Variants in PITPNM2 observed in about 807,000 individuals in gnomAD.
The protein encoded by PITPNM2 is membrane-associated phosphatidylinositol transfer protein 2.
In PITPNM2, 35 loss-of-function variants were observed where a neutral mutation model predicts 132.2. The ratio of observed to expected loss-of-function variants is 0.26; its 90% CI spans 0.20 to 0.35. The LOEUF is 0.35. Among genes scored for constraint, PITPNM2 ranks in the 10% least tolerant of loss-of-function variants. PITPNM2 has a pLI of 1.00. For synonymous variants in PITPNM2, 738 were observed against 799.2 expected (o/e 0.92, Z 1.29); for missense variants, 1,332 against 1,912.0 (o/e 0.70, Z 5.66).
chr12:123,137,447 C>T (rs1193089045), intron 1 of PITPNM2, among the ~76,000 whole-genome samples: 2 of 152,144 alleles, frequency 1.3e-5, no homozygotes, highest in African/African-American at 2.4e-5. Flanking sequence ...TGATGAATAC[C>T]TGCTCTGTGC....
chr12:123,024,722 G>T (rs558820730), intron 3 of PITPNM2, among the ~76,000 whole-genome samples: 2 of 152,284 alleles, frequency 1.3e-5, no homozygotes, highest in Admixed American at 6.5e-5. Context: ...CAGAATAGTG[G>T]AATCTATAGA....
In PITPNM2 at chr12:123,005,201, G is replaced by A. The variant is rs777317979; in HGVS notation, c.952+39C>T. The A allele has an allele frequency of 6.3e-7, 1 of 1,585,582 alleles. No homozygotes were observed. Among genetic ancestry groups the A allele is most frequent in the Non-Finnish European group, 8.6e-7 (1 of 1,163,564 alleles). On this transcript the variant is annotated intron_variant, in intron 7 of 25. Transcript: ENST00000320201. The surrounding 1 kb of genome is among the most constrained non-coding windows in gnomAD (Gnocchi z 6.2). ...GTGTGTGGGGCTGCCTTGAGGGGAG[G>A]GACCTTGAGTGTGGGTGGCAGGTGG...
chr12:123,143,919 C>T (rs1041786555), intron 1 of PITPNM2, among the ~76,000 whole-genome samples: 10 of 152,192 alleles, frequency 6.6e-5, no homozygotes, highest in Middle Eastern at 3.2e-3. Context: ...TTGTGAGGTG[C>T]CCTGAGCTAG....
intron 2 of PITPNM2, among the ~76,000 whole-genome samples, chr12:123,094,763 G>C (rs116247313): frequency 6.6e-6 from 1 of 152,196 alleles, no homozygotes; most frequent in African/African-American, 2.4e-5. Flanking sequence ...GGGGCCGAGG[G>C]CAGGGAAGGC....
In PITPNM2 at chr12:123,005,934, TA is replaced by T. The variant is rs936573425; in HGVS notation, c.644-387del. 451 of 136,856 alleles carry T rather than the reference TA, an allele frequency of 3.3e-3. No homozygotes were observed. Among genetic ancestry groups the T allele is most frequent in the Non-Finnish European group, 4.3e-3 (272 of 63,778 alleles). 8.5% of individuals were successfully genotyped at this position (136,856 alleles called of 1,614,324 possible). On this transcript the variant is annotated intron_variant, in intron 6 of 25. Transcript: ENST00000320201. The surrounding 1 kb of genome is among the most constrained non-coding windows in gnomAD (Gnocchi z 6.2). ...GCAACGAAACAAGACCCTGTCTCTA[TA>T]AAAAAAAAAAAAATTAAAAAAAAAA...
In PITPNM2 at chr12:123,000,333, G is replaced by A. The variant is rs1447571385; in HGVS notation, c.1224+445C>T. On this transcript the variant is annotated intron_variant, in intron 10 of 25. Transcript: ENST00000320201. The surrounding 1 kb of genome is among the most constrained non-coding windows in gnomAD (Gnocchi z 5.4). Reference sequence around the variant, plus strand: ...CCAAGACAGTTTTATTGGACACACTGAGCTCCGCCTGCCTCCCGCGGGGCC... The same window carrying A: ...CCAAGACAGTTTTATTGGACACACTAAGCTCCGCCTGCCTCCCGCGGGGCC... 1 of 693,790 alleles carries A rather than the reference G, an allele frequency of 1.4e-6. No individual in the cohort carries two copies. The highest frequency in any genetic ancestry group is 2.1e-5 in the Admixed American group (1 of 48,644). The allele number at this position is 693,790 out of a possible 1,614,324, so 43.0% of individuals were successfully genotyped here.
chr12:123,138,425 G>A (rs920019777), intron 1 of PITPNM2, among the ~76,000 whole-genome samples: 46 of 152,298 alleles, frequency 3.0e-4, no homozygotes, highest in African/African-American at 1.1e-3. Context: ...AAGCAACAGA[G>A]AGAGACCCTG....
At chr12:123,007,335 C>T (rs2038979594) in intron 6 of PITPNM2, 1 of 456,394 alleles carries the variant, frequency 2.2e-6, no homozygotes, top group Non-Finnish European at 4.4e-6. Flanking sequence ...GGGCCTTTGG[C>T]TAATTTACAT....
At chr12:123,118,894 A>G (rs1421447553) in intron 1 of PITPNM2, among the ~76,000 whole-genome samples, 1 of 152,234 alleles carries the variant, frequency 6.6e-6, no homozygotes, top group Non-Finnish European at 1.5e-5. Flanking sequence ...AGTATTGTCG[A>G]ACACATGGCC....
At chr12:123,148,279 G>A (rs998833358) in intron 1 of PITPNM2, among the ~76,000 whole-genome samples, 4 of 152,214 alleles carry the variant, frequency 2.6e-5, no homozygotes, top group South Asian at 2.1e-4. Context: ...TCATCTAAGC[G>A]AAGTTGAGAA....
rs991595138 is a variant in PITPNM2, at chr12:123,082,228, T to A, written c.-96+28157A>T. Reference sequence around the variant, plus strand: ...GCCTTGGGGCATCTGTACTTGCCACTCTCCCTCCCCTCTGCTCAAGGGCCC... The same window carrying A: ...GCCTTGGGGCATCTGTACTTGCCACACTCCCTCCCCTCTGCTCAAGGGCCC... On this transcript the variant is annotated intron_variant, in intron 2 of 25. Coordinates refer to ENST00000320201, the MANE Select transcript of PITPNM2 (RefSeq NM_020845.3). This position sits in a 1 kb window ranked among gnomAD's most constrained non-coding sequence, Gnocchi z 5.4. Among the ~76,000 whole-genome samples, 2 of 152,166 alleles carry A rather than the reference T, an allele frequency of 1.3e-5. No homozygotes were observed. The highest frequency in any genetic ancestry group is 4.8e-5 in the African/African-American group (2 of 41,430).
rs555972734 is a variant in PITPNM2, at chr12:122,988,446, C to T, written c.2881-96G>A. ...GCCCAGTACCCGGGAGCAAGAGGAG[C>T]CTGTGGGTTGTAGGGGGTGTTCTTC... On this transcript the variant is annotated intron_variant, in intron 19 of 25. Transcript: ENST00000320201. The T allele has an allele frequency of 2.7e-5, 29 of 1,073,920 alleles. 1 individual carries two copies. In the East Asian group the frequency reaches 3.8e-4, roughly 14 times the overall value. 66.5% of individuals were successfully genotyped at this position (1,073,920 alleles called of 1,614,324 possible). A position where few individuals can be genotyped will look rare whatever the true frequency, so the allele number is the denominator to read the frequency against.
intron 2 of PITPNM2, among the ~76,000 whole-genome samples, chr12:123,043,059 T>A (rs1178156316): frequency 6.6e-6 from 1 of 151,740 alleles, no homozygotes; most frequent in African/African-American, 2.4e-5. Flanking sequence ...TGCCCCAGAG[T>A]AGTTCCACCT....
At chr12:123,079,430 C>G (rs1278586259) in intron 2 of PITPNM2, among the ~76,000 whole-genome samples, 1 of 131,592 alleles carries the variant, frequency 7.6e-6, no homozygotes, top group Non-Finnish European at 1.6e-5. Flanking sequence ...CTCACTGCAA[C>G]CTCCACCTCC....
At chr12:123,098,873 C>T (rs1034019636) in intron 2 of PITPNM2, among the ~76,000 whole-genome samples, 2 of 152,182 alleles carry the variant, frequency 1.3e-5, no homozygotes, top group Non-Finnish European at 2.9e-5. Context: ...TGAAACTTCT[C>T]AGCACTCCCC....
intron 2 of PITPNM2, among the ~76,000 whole-genome samples, chr12:123,085,346 C>A (rs2042082216): frequency 6.6e-6 from 1 of 152,132 alleles, no homozygotes; most frequent in African/African-American, 2.4e-5. Flanking sequence ...CCCTTTGCTT[C>A]AAAAAGCCCA....
At chr12:123,059,894 G>C (rs1263259805) in intron 2 of PITPNM2, among the ~76,000 whole-genome samples, 1 of 152,154 alleles carries the variant, frequency 6.6e-6, no homozygotes, top group Non-Finnish European at 1.5e-5. Flanking sequence ...CTAGATAAAG[G>C]TGGTGGCTGC....
Position 122,989,880 on chromosome 12 carries a change from T to TGGGGGGGGGGGGGGG in PITPNM2, c.2637_2638insCCCCCCCCCCCCCCC (p.Pro879_Ser880insProProProProPro). The TGGGGGGGGGGGGGGG allele has an allele frequency of 5.6e-5, 9 of 159,460 alleles. No homozygotes were observed. Among genetic ancestry groups the TGGGGGGGGGGGGGGG allele is most frequent in the Non-Finnish European group, 6.2e-5 (6 of 96,988 alleles). 9.9% of individuals were successfully genotyped at this position (159,460 alleles called of 1,614,324 possible). ...GGGTGGGGGCCAGGGGTGGTGGGGC[T>TGGGGGGGGGGGGGGG]GGGGGCGGGCAGGGCGAGCAGGGAC... On this transcript the variant is annotated inframe_insertion, in exon 18 of 26. Coordinates refer to ENST00000320201, the MANE Select transcript of PITPNM2 (RefSeq NM_020845.3).
chr12:123,111,226 C>T lies in PITPNM2; in HGVS notation c.-199-738G>A, dbSNP rs2042827720. On this transcript the variant is annotated intron_variant, in intron 1 of 25. Coordinates refer to ENST00000320201, the MANE Select transcript of PITPNM2 (RefSeq NM_020845.3). This position sits in a 1 kb window ranked among gnomAD's most constrained non-coding sequence, Gnocchi z 4.1. Reference sequence around the variant, plus strand: ...CCCACCTCGCAGCTCAACACACATTCTTGTTTGCCTGACACACATACAAGC... The same window carrying T: ...CCCACCTCGCAGCTCAACACACATTTTTGTTTGCCTGACACACATACAAGC... 6.6e-6 allele frequency among the ~76,000 whole-genome samples: 1 copy of T among 152,214 alleles called. No individual in the cohort carries two copies. The highest frequency in any genetic ancestry group is 2.4e-5 in the African/African-American group (1 of 41,448).
Sources: allele counts gnomAD v4.1 joint callset (sites outside exome capture counted in the v4.1 genomes callset), GRCh38; gene constraint gnomAD v4.1.1; non-coding constraint Gnocchi (gnomAD v3.1); transcripts MANE v1.5; gene names NCBI Gene and HGNC (gene_info 2026-07-23, HGNC 2026-07-21).